Variants in BZW2 observed in about 807,000 individuals in gnomAD.
BZW2 encodes eIF5-mimic protein 1.
BZW2 carries 23 observed loss-of-function variants against 53.2 expected under a neutral mutation model. The observed-to-expected ratio is 0.43, with a 90% CI of 0.31 to 0.61. The LOEUF is 0.61. BZW2 is among the 20% of genes least tolerant of loss of function. BZW2 has a pLI of 0.09. For synonymous variants in BZW2, 227 were observed against 186.4 expected, an observed-to-expected ratio of 1.22 and a Z score of -1.77; for missense variants, 409 against 503.1, an observed-to-expected ratio of 0.81 and a Z score of 1.79.
intron 1 of BZW2, among the ~76,000 whole-genome samples, chr7:16,657,468 A>G (rs777261536): frequency 6.6e-6 from 1 of 152,190 alleles, no homozygotes; most frequent in Non-Finnish European, 1.5e-5. Context: ...GCAATATCCT[A>G]AAGTAGAAAA....
intron 3 of BZW2, among the ~76,000 whole-genome samples, chr7:16,677,198 C>T (rs1782793072): frequency 6.6e-6 from 1 of 152,134 alleles, no homozygotes; most frequent in Non-Finnish European, 1.5e-5. Context: ...ACTGTGCTCT[C>T]AGGCAATAGA....
At chr7:16,700,978 A>T (rs576998366) in intron 10 of BZW2, 1 of 152,178 alleles carries the variant, frequency 6.6e-6, no homozygotes, top group Non-Finnish European at 1.5e-5. Context: ...CCAGAACTTG[A>T]TGATAGCAGA....
In BZW2 at chr7:16,698,081, C is replaced by G; in HGVS notation, c.1003C>G (p.Gln335Glu). Residue 335 changes from glutamine (Q) to glutamate (E), a missense_variant, in exon 10 of 12, where the codon CAA becomes GAA. Gln to Glu is a conservative substitution (Grantham distance 29, BLOSUM62 2). Around this residue, in one of 3 missense-constraint regions of BZW2, gnomAD observed 88 missense variants for 114.6 expected, o/e 0.77. Coordinates refer to ENST00000258761, the MANE Select transcript of BZW2 (RefSeq NM_014038.3). The stretch of plus-strand genomic sequence containing the variant: ...TCCCCTGCTGGCCGTGTTCAGCTCC[C>G]AAGGCCAGTCAGAGCTGATCCTCCT... ...YAPLLAVFSS[Q>E]GQSELILLQK... The G allele has an allele frequency of 6.2e-7, 1 of 1,614,188 alleles. No homozygotes were observed. The highest frequency in any genetic ancestry group is 8.5e-7 in the Non-Finnish European group (1 of 1,180,016).
intron 8 of BZW2, among the ~76,000 whole-genome samples, 170 bp downstream of exon 8, chr7:16,695,174 T>G (rs1783440025): frequency 1.3e-5 from 2 of 152,238 alleles, no homozygotes; most frequent in African/African-American, 4.8e-5. Context: ...TGATTTAGAA[T>G]CCTCCATTTT....
At chr7:16,649,468 A>G (rs935858866) in intron 1 of BZW2, among the ~76,000 whole-genome samples, 3 of 152,216 alleles carry the variant, frequency 2.0e-5, no homozygotes, top group African/African-American at 7.2e-5. Context: ...GATGAATGCT[A>G]TCAACCAAGA....
chr7:16,672,886 G>C (rs1044369283), intron 2 of BZW2, among the ~76,000 whole-genome samples: 6 of 150,962 alleles, frequency 4.0e-5, no homozygotes. Flanking sequence ...CCATTTCACT[G>C]TGACAGCTCA....
intron 1 of BZW2, among the ~76,000 whole-genome samples, chr7:16,660,326 C>T (rs920897696): frequency 4.0e-5 from 6 of 150,088 alleles, no homozygotes; most frequent in African/African-American, 7.4e-5. Context: ...TTTGAGCCCA[C>T]GTGGTCGGGG....
chr7:16,677,545 A>G (rs958475609), intron 3 of BZW2, among the ~76,000 whole-genome samples: 1 of 152,206 alleles, frequency 6.6e-6, no homozygotes, highest in African/African-American at 2.4e-5. Flanking sequence ...ACATTGGAGC[A>G]TGGGCTAGCA....
intron 2 of BZW2, among the ~76,000 whole-genome samples, chr7:16,673,556 ATGTTT>A (rs1583719582): frequency 1.3e-5 from 2 of 152,270 alleles, no homozygotes; most frequent in East Asian, 3.9e-4. Context: ...ATACTATAAA[ATGTTT>A]TGTTTTAATT....
At position 16,659,202 on chromosome 7, in the gene BZW2, TAA is replaced by T. The variant is rs567565294; in HGVS notation, c.-7-6233_-7-6232del. On this transcript the variant is annotated intron_variant, in intron 1 of 11. Transcript: ENST00000258761. ...TTACTTGTGCCAACTATCTACCTTA[TAA>T]AGAGTTATTAAAGCCCAAATAACTC... Among the ~76,000 whole-genome samples, 635 of 152,284 alleles carry T rather than the reference TAA, an allele frequency of 4.2e-3. 1 individual carries two copies. The highest frequency in any genetic ancestry group is 6.7e-3 in the Non-Finnish European group (458 of 68,040).
At chr7:16,653,682 T>C (rs867520291) in intron 1 of BZW2, among the ~76,000 whole-genome samples, 13 of 152,206 alleles carry the variant, frequency 8.5e-5, no homozygotes, top group Middle Eastern at 3.2e-3. Flanking sequence ...GAGATGAGAA[T>C]ACTCATTAAT....
intron 1 of BZW2, among the ~76,000 whole-genome samples, chr7:16,648,648 G>T (rs1781922153): frequency 6.6e-6 from 1 of 152,122 alleles, no homozygotes; most frequent in African/African-American, 2.4e-5. Flanking sequence ...GTCTGGCCTG[G>T]AAGGTTCCAA....
chr7:16,663,969 A>T (rs1241898706), intron 1 of BZW2, among the ~76,000 whole-genome samples: 3 of 152,214 alleles, frequency 2.0e-5, no homozygotes, highest in African/African-American at 4.8e-5. Context: ...AGGTAAACCA[A>T]AAAGATAAAA....
chr7:16,705,911 C>A, intron 11 of BZW2, 149 bp from the exon 12 acceptor site: 1 of 827,186 alleles, frequency 1.2e-6, no homozygotes, highest in Non-Finnish European at 1.9e-6. Flanking sequence ...TGCTATCTGC[C>A]CTCATGTGAC....
chr7:16,658,552 T>G (rs770018946), intron 1 of BZW2, among the ~76,000 whole-genome samples: 1 of 151,980 alleles, frequency 6.6e-6, no homozygotes, highest in Admixed American at 6.6e-5. Context: ...AAGGGAAAAA[T>G]AAGGTCAAAT....
In BZW2 at chr7:16,689,843, A is replaced by G. The variant is rs57937778; in HGVS notation, c.588A>G (p.Ala196=). 313 of 1,612,190 alleles carry G rather than the reference A, an allele frequency of 1.9e-4. 1 individual carries two copies. The East Asian group carries it at 6.2e-3, about 32-fold the overall frequency. ...FAVKLFKAWM[A]EKDANSVTSS... ...TCAAGCTTTTCAAAGCATGGATGGC[A>G]GAAAAAGATGCCAACTCTGTTACCT... is the stretch of plus-strand genomic sequence containing the variant. The change falls in exon 7 of 12, where the codon GCA becomes GCG. Residue 196 remains alanine (A), a synonymous_variant. Coordinates refer to ENST00000258761, the MANE Select transcript of BZW2 (RefSeq NM_014038.3).
In BZW2 at chr7:16,684,643, C is replaced by A. The variant is rs554354753; in HGVS notation, c.406-1262C>A. On this transcript the variant is annotated intron_variant, in intron 5 of 11. Coordinates refer to ENST00000258761, the MANE Select transcript of BZW2 (RefSeq NM_014038.3). ...ATAATGGAGGAAAAGGACAAATTGACATGAACTGTCTATATTTATGTTAGT... is the reference window on the plus strand; with the variant it reads ...ATAATGGAGGAAAAGGACAAATTGAAATGAACTGTCTATATTTATGTTAGT... Among the ~76,000 whole-genome samples, 12 of 152,274 alleles carry A rather than the reference C, an allele frequency of 7.9e-5. No homozygotes were observed. In the South Asian group the frequency reaches 2.5e-3, roughly 32 times the overall value.
At chr7:16,683,233 A>G (rs531461514) in intron 5 of BZW2, among the ~76,000 whole-genome samples, 23 of 152,212 alleles carry the variant, frequency 1.5e-4, no homozygotes, top group Non-Finnish European at 3.1e-4. Context: ...ATGTACAATG[A>G]TATTGCAGAA....
intron 1 of BZW2, among the ~76,000 whole-genome samples, chr7:16,664,454 C>T (rs992385694): frequency 2.0e-5 from 3 of 152,124 alleles, no homozygotes; most frequent in South Asian, 2.1e-4. Flanking sequence ...CAGCTGGGGA[C>T]GATCTTTCCT....
Sources: allele counts gnomAD v4.1 joint callset (sites outside exome capture counted in the v4.1 genomes callset), GRCh38; gene constraint gnomAD v4.1.1; regional missense constraint gnomAD v4.1.1; transcripts MANE v1.5; gene names NCBI Gene and HGNC (gene_info 2026-07-23, HGNC 2026-07-21).